TRPC7: variants seen among roughly 807,000 people sequenced by gnomAD.
The protein encoded by TRPC7 is transient receptor potential cation channel subfamily C member 7.
TRPC7 carries 42 observed loss-of-function variants against 90.1 expected under a neutral mutation model. That is an observed-to-expected ratio of 0.47 (90% CI 0.36 to 0.60). The LOEUF is 0.60. TRPC7 is among the 20% of genes least tolerant of loss of function. TRPC7 has a pLI of 0.00. For missense variants in TRPC7, 955 were observed against 1,112.3 expected, an observed-to-expected ratio of 0.86 and a Z score of 2.01; for synonymous variants, 451 against 436.3, an observed-to-expected ratio of 1.03 and a Z score of -0.42.
intron 3 of TRPC7, among the ~76,000 whole-genome samples, chr5:136,289,013 G>A (rs1452187728): frequency 6.6e-6 from 1 of 152,192 alleles, no homozygotes; most frequent in Admixed American, 6.5e-5. Flanking sequence ...GATGGTTACT[G>A]CAAGCAGCTC....
chr5:136,308,277 G>A (rs546237420), intron 3 of TRPC7, among the ~76,000 whole-genome samples: 4 of 152,320 alleles, frequency 2.6e-5, no homozygotes, highest in South Asian at 4.1e-4. Context: ...GTGGCCAGGC[G>A]AGATCCACGG....
intron 3 of TRPC7, among the ~76,000 whole-genome samples, chr5:136,283,840 T>G (rs1208510791): frequency 6.6e-6 from 1 of 152,222 alleles, no homozygotes; most frequent in Non-Finnish European, 1.5e-5. Flanking sequence ...CTTTTTCATG[T>G]GATTCTGGGC....
chr5:136,267,364 T>C (rs1757068467), intron 4 of TRPC7, among the ~76,000 whole-genome samples: 1 of 152,192 alleles, frequency 6.6e-6, no homozygotes, highest in African/African-American at 2.4e-5. Flanking sequence ...GCCCTACCCC[T>C]CATCCAGGTA....
Position 136,352,659 on chromosome 5 carries a change from C to T in TRPC7, c.780+3949G>A, listed in dbSNP as rs117613713. On this transcript the variant is annotated intron_variant, in intron 2 of 11. Transcript: ENST00000513104. ...CACTTCTGAGAAGTCCAGCTCACAC[C>T]AATCTTCCCTTTCTCTGGCTCCTAC... Among the ~76,000 whole-genome samples, 44 of 152,260 alleles carry T rather than the reference C, an allele frequency of 2.9e-4. No homozygotes were observed. The East Asian group carries it at 7.0e-3, about 24-fold the overall frequency.
chr5:136,359,625 T>A (rs1196647349), intron 1 of TRPC7, among the ~76,000 whole-genome samples: 1 of 152,152 alleles, frequency 6.6e-6, no homozygotes, highest in Non-Finnish European at 1.5e-5. Flanking sequence ...AGAGAAAGAT[T>A]CACAAATAGT....
At chr5:136,246,012 C>G (rs1336383054) in intron 7 of TRPC7, among the ~76,000 whole-genome samples, 1 of 152,172 alleles carries the variant, frequency 6.6e-6, no homozygotes, top group Non-Finnish European at 1.5e-5. Flanking sequence ...TATCTGGCAT[C>G]CTGCCCCGTG....
chr5:136,336,186 A>C (rs1350357934), intron 2 of TRPC7, among the ~76,000 whole-genome samples: 3 of 152,132 alleles, frequency 2.0e-5, no homozygotes, highest in African/African-American at 7.2e-5. Flanking sequence ...CGTTGCAGGC[A>C]GTTCATTGCT....
In TRPC7 at chr5:136,286,848, C is replaced by T. The variant is rs1757735559; in HGVS notation, c.964-12011G>A. ...TCTCTGCCTTGACATTCATCCTCTG[C>T]TCCTCTCCCTTCTCAGAGGTAGAAG... On this transcript the variant is annotated intron_variant, in intron 3 of 11. Transcript: ENST00000513104. Among the ~76,000 whole-genome samples, 3 of 152,188 alleles carry T rather than the reference C, an allele frequency of 2.0e-5. 1 individual carries two copies. Among genetic ancestry groups the T allele is most frequent in the African/African-American group, 4.8e-5 (2 of 41,446 alleles).
intron 2 of TRPC7, among the ~76,000 whole-genome samples, chr5:136,334,663 G>A (rs1759596817): frequency 6.6e-6 from 1 of 152,192 alleles, no homozygotes; most frequent in South Asian, 2.1e-4. Flanking sequence ...CCCTGTCAAA[G>A]TGCTCTCCAT....
At chr5:136,287,652 G>C (rs1269982769) in intron 3 of TRPC7, among the ~76,000 whole-genome samples, 1 of 111,290 alleles carries the variant, frequency 9.0e-6, no homozygotes, top group African/African-American at 3.5e-5. Flanking sequence ...TTTATTCCCA[G>C]CACCTGCTAT....
rs115348000 is a variant in TRPC7 at position 136,264,512 on chromosome 5, C to T, written c.1345+1708G>A. Among the ~76,000 whole-genome samples, 677 of 152,084 alleles carry T rather than the reference C, an allele frequency of 4.5e-3. 7 individuals carry two copies. The highest frequency in any genetic ancestry group is 0.016 in the African/African-American group (648 of 41,482). ...AAGTTAAGACCACAGAACTCTGTAACAAACTTTAATGTCCCTTCCCAACTT... is the reference window on the plus strand; with the variant it reads ...AAGTTAAGACCACAGAACTCTGTAATAAACTTTAATGTCCCTTCCCAACTT... On this transcript the variant is annotated intron_variant, in intron 5 of 11. Transcript: ENST00000513104.
chr5:136,281,898 T>C lies in TRPC7; in HGVS notation c.964-7061A>G, dbSNP rs528192670. Among the ~76,000 whole-genome samples, 56 of 152,350 alleles carry C rather than the reference T, an allele frequency of 3.7e-4. No homozygotes were observed. The South Asian group carries it at 0.011, about 30-fold the overall frequency. On this transcript the variant is annotated intron_variant, in intron 3 of 11. Transcript: ENST00000513104. Reference sequence around the variant, plus strand: ...ATTTCTGAAATACAAACCACTTATATCATGCATCAAATTTTTAATCAACCA... The same window carrying C: ...ATTTCTGAAATACAAACCACTTATACCATGCATCAAATTTTTAATCAACCA...
At chr5:136,332,258 A>G (rs113217932) in intron 2 of TRPC7, among the ~76,000 whole-genome samples, 9 of 152,272 alleles carry the variant, frequency 5.9e-5, no homozygotes, top group African/African-American at 2.2e-4. Flanking sequence ...CTAAGAGGCC[A>G]GCCCTAGGTG....
intron 3 of TRPC7, among the ~76,000 whole-genome samples, chr5:136,298,895 T>G (rs1012481574): frequency 1.3e-5 from 2 of 152,188 alleles, no homozygotes; most frequent in Non-Finnish European, 1.5e-5. Context: ...GCTCTGCTTC[T>G]AGCAGTGATG....
intron 2 of TRPC7, among the ~76,000 whole-genome samples, chr5:136,340,988 G>C (rs1454440975): frequency 6.6e-6 from 1 of 152,146 alleles, no homozygotes; most frequent in African/African-American, 2.4e-5. Context: ...TGTCTGGAAG[G>C]AAGTGAGGAA....
rs1756371530 is a variant in TRPC7 at position 136,247,267 on chromosome 5, TG to T, written c.1844+203del. Among the ~76,000 whole-genome samples, 1 of 151,766 alleles carries T rather than the reference TG, an allele frequency of 6.6e-6. No homozygotes were observed. On this transcript the variant is annotated intron_variant, in intron 7 of 11. Transcript: ENST00000513104. This position sits in a 1 kb window ranked among gnomAD's most constrained non-coding sequence, Gnocchi z 4.2. ...GGGAACATGCTCTGGTCACACGAAATGTAAGTGGCAAAGTGAGGATTTAACT... is the reference window on the plus strand; with the variant it reads ...GGGAACATGCTCTGGTCACACGAAATTAAGTGGCAAAGTGAGGATTTAACT...
rs184832692 is a variant in TRPC7 at position 136,326,732 on chromosome 5, G to T, written c.781-10953C>A. Among the ~76,000 whole-genome samples the T allele has an allele frequency of 2.6e-3, 402 of 152,286 alleles. 2 individuals carry two copies. The highest frequency in any genetic ancestry group is 9.2e-3 in the African/African-American group (381 of 41,548). On this transcript the variant is annotated intron_variant, in intron 2 of 11. Coordinates refer to ENST00000513104, the MANE Select transcript of TRPC7 (RefSeq NM_020389.3). ...TGGGTGCTAGCATGGAGCAGATAGAGAATTATATTTTACCAGGGTTGTGTT... is the reference window on the plus strand; with the variant it reads ...TGGGTGCTAGCATGGAGCAGATAGATAATTATATTTTACCAGGGTTGTGTT...
In TRPC7 at chr5:136,212,788, A is replaced by G. The variant is rs1196752960; in HGVS notation, c.*647T>C. 6.6e-6 allele frequency among the ~76,000 whole-genome samples: 1 copy of G among 152,276 alleles called. No homozygotes were observed. The highest frequency in any genetic ancestry group is 1.5e-5 in the Non-Finnish European group (1 of 68,052). On this transcript the variant is annotated 3_prime_UTR_variant, in exon 12 of 12. Coordinates refer to ENST00000513104, the MANE Select transcript of TRPC7 (RefSeq NM_020389.3). Reference sequence around the variant, plus strand: ...ATTTCTTTCCATTTTAGGTAAAAATAGTAAATACAAGATAATCTTAATAAA... The same window carrying G: ...ATTTCTTTCCATTTTAGGTAAAAATGGTAAATACAAGATAATCTTAATAAA...
chr5:136,290,715 C>A (rs932731835), intron 3 of TRPC7, among the ~76,000 whole-genome samples: 1 of 152,152 alleles, frequency 6.6e-6, no homozygotes. Context: ...GGAAAACACT[C>A]TGCAGGATAT....
Sources: allele counts gnomAD v4.1 joint callset (sites outside exome capture counted in the v4.1 genomes callset), GRCh38; gene constraint gnomAD v4.1.1; non-coding constraint Gnocchi (gnomAD v3.1); transcripts MANE v1.5; gene names NCBI Gene and HGNC (gene_info 2026-07-23, HGNC 2026-07-21).